Variants in EYA1 observed in about 807,000 individuals in gnomAD.
EYA1 encodes the protein protein phosphatase EYA1.
Under a neutral mutation model 82.0 loss-of-function variants are expected in EYA1, and 16 were observed. That is an observed-to-expected ratio of 0.20 (90% CI 0.13 to 0.30). EYA1 has a LOEUF of 0.30. Ranked by LOEUF, EYA1 falls within the 10% of genes least tolerant of loss-of-function variation. The pLI, the probability that EYA1 is intolerant of heterozygous loss-of-function variation, is 1.00. For missense variants in EYA1, 633 were observed against 730.7 expected (o/e 0.87, Z 1.54); for synonymous variants, 261 against 264.4 (o/e 0.99, Z 0.12).
At position 71,504,568 on chromosome 8, in the gene EYA1, A is replaced by G. The variant is rs538369750; in HGVS notation, c.33+31176T>C. Among the ~76,000 whole-genome samples, 14 of 152,288 alleles carry G rather than the reference A, an allele frequency of 9.2e-5. No homozygotes were observed. The East Asian group carries it at 2.5e-3, about 27-fold the overall frequency. ...AGTGATACAAAATATGACACAGTTCATTGAACTTTGTTAGTTTTAAGTATT... is the reference window on the plus strand; with the variant it reads ...AGTGATACAAAATATGACACAGTTCGTTGAACTTTGTTAGTTTTAAGTATT... On this transcript the variant is annotated intron_variant, in intron 2 of 18. Transcript: ENST00000643681.
rs923550463 is a variant in EYA1 at position 71,258,749 on chromosome 8, C to G, written c.1050+10991G>C. Among the ~76,000 whole-genome samples the G allele has an allele frequency of 1.2e-4, 18 of 152,300 alleles. No individual in the cohort carries two copies. In the Middle Eastern group the frequency reaches 0.017, roughly 144 times the overall value. ...TATAGTTACATTTGCACTGCTAATT[C>G]TAGTGTTTGTACATGATATTTGATC... On this transcript the variant is annotated intron_variant, in intron 11 of 17. Coordinates refer to ENST00000340726, the MANE Select transcript of EYA1 (RefSeq NM_000503.6).
intron 2 of EYA1, among the ~76,000 whole-genome samples, chr8:71,496,582 C>T (rs1385148147): frequency 6.6e-6 from 1 of 152,094 alleles, no homozygotes; most frequent in Non-Finnish European, 1.5e-5. Context: ...TATAGCTACC[C>T]ACAGAGCGAA....
chr8:71,418,051 C>G (rs1316735871), intron 2 of EYA1, among the ~76,000 whole-genome samples: 1 of 152,198 alleles, frequency 6.6e-6, no homozygotes, highest in African/African-American at 2.4e-5. Context: ...GCCTCATCTA[C>G]TAAGTAGCCT....
intron 12 of EYA1, among the ~76,000 whole-genome samples, chr8:71,239,412 C>CTAGA: frequency 6.6e-6 from 1 of 152,280 alleles, no homozygotes; most frequent in East Asian, 1.9e-4. Flanking sequence ...TAAGACAACA[C>CTAGA]ATAACAATTC....
chr8:71,458,663 G>A (rs1354098754), intron 2 of EYA1, among the ~76,000 whole-genome samples: 1 of 152,170 alleles, frequency 6.6e-6, no homozygotes, highest in Non-Finnish European at 1.5e-5. Context: ...GATGTTAAAA[G>A]GGACTCCAAG....
chr8:71,492,479 T>TTC (rs1397061549), intron 2 of EYA1, among the ~76,000 whole-genome samples: 2 of 151,336 alleles, frequency 1.3e-5, no homozygotes, highest in East Asian at 3.9e-4. Flanking sequence ...TTTTTTTTTT[T>TTC]TTTGAGACGG....
intron 2 of EYA1, among the ~76,000 whole-genome samples, chr8:71,410,087 T>G (rs1271177662): frequency 1.3e-5 from 2 of 152,038 alleles, no homozygotes; most frequent in African/African-American, 4.8e-5. Context: ...CGCAAATCAA[T>G]AAATGTAATC....
At chr8:71,486,872 A>C (rs1810611132) in intron 2 of EYA1, among the ~76,000 whole-genome samples, 1 of 151,752 alleles carries the variant, frequency 6.6e-6, no homozygotes, top group Admixed American at 6.6e-5. Context: ...CTCAGTTTCT[A>C]AGTCTGCCTT....
chr8:71,469,659 A>G (rs75589175), intron 2 of EYA1, among the ~76,000 whole-genome samples: 2,702 of 152,194 alleles, frequency 0.018, 56 homozygotes, highest in African/African-American at 0.062. Flanking sequence ...ATTTGGACTT[A>G]GGTGAATGCC....
In EYA1 at chr8:71,495,475, C is replaced by G. The variant is rs545113285; in HGVS notation, c.33+40269G>C. Reference sequence around the variant, plus strand: ...CTAAAAATAGAAAAATCAGCCAGACCTGGTGGCGTGCCTGTAATCCCAGCT... The same window carrying G: ...CTAAAAATAGAAAAATCAGCCAGACGTGGTGGCGTGCCTGTAATCCCAGCT... On this transcript the variant is annotated intron_variant, in intron 2 of 18. Coordinates refer to the EYA1 transcript ENST00000643681. Among the ~76,000 whole-genome samples, 6 of 152,046 alleles carry G rather than the reference C, an allele frequency of 3.9e-5. No individual in the cohort carries two copies. In the East Asian group the frequency reaches 1.2e-3, roughly 30 times the overall value.
chr8:71,539,996 T>C (rs184131524), intron 1 of EYA1, among the ~76,000 whole-genome samples: 41 of 152,302 alleles, frequency 2.7e-4, no homozygotes, highest in African/African-American at 9.1e-4. Context: ...GGTGATGACA[T>C]TGTAATTATA....
chr8:71,200,376 A>T (rs1319774812), intron 17 of EYA1, among the ~76,000 whole-genome samples: 1 of 152,182 alleles, frequency 6.6e-6, no homozygotes, highest in African/African-American at 2.4e-5. Context: ...TTGTTTTTTA[A>T]ATGTGTAGGT....
chr8:71,208,183 A>C (rs1357740746), intron 17 of EYA1, among the ~76,000 whole-genome samples: 1 of 152,166 alleles, frequency 6.6e-6, no homozygotes, highest in Non-Finnish European at 1.5e-5. Flanking sequence ...CTGTAATCCC[A>C]GCACTTTGGG....
intron 3 of EYA1, among the ~76,000 whole-genome samples, chr8:71,338,285 G>A (rs946788707): frequency 1.3e-5 from 2 of 152,232 alleles, no homozygotes; most frequent in African/African-American, 4.8e-5. Context: ...ATTATATGAA[G>A]AAAACTTATG....
chr8:71,382,302 T>C (rs1035191425), intron 2 of EYA1, among the ~76,000 whole-genome samples: 13 of 152,164 alleles, frequency 8.5e-5, no homozygotes, highest in African/African-American at 3.1e-4. Flanking sequence ...TGTAGAATAT[T>C]GAATTACTTT....
At chr8:71,354,575 C>T (rs957151595) in intron 3 of EYA1, among the ~76,000 whole-genome samples, 2 of 151,972 alleles carry the variant, frequency 1.3e-5, no homozygotes, top group Non-Finnish European at 2.9e-5. Context: ...TTTGGTGAAA[C>T]GAAACCAATC....
chr8:71,317,191 G>C (rs535615071), intron 7 of EYA1, among the ~76,000 whole-genome samples: 1 of 152,288 alleles, frequency 6.6e-6, no homozygotes, highest in Admixed American at 6.5e-5. Context: ...GTAATACCAA[G>C]TGCGTAAGTT....
At chr8:71,482,584 A>T (rs1213265653) in intron 2 of EYA1, among the ~76,000 whole-genome samples, 1 of 152,254 alleles carries the variant, frequency 6.6e-6, no homozygotes, top group African/African-American at 2.4e-5. Flanking sequence ...AATGACATTT[A>T]CAAGTATGTT....
chr8:71,398,408 T>C lies in EYA1; in HGVS notation c.34-41897A>G, dbSNP rs531181426. ...AGAATTTTCAGCTTTTCTGCTCTGG[T>C]TTCTTCCCACCTTTGTGGTTTTATC... On this transcript the variant is annotated intron_variant, in intron 2 of 18. Coordinates refer to the EYA1 transcript ENST00000643681. Among the ~76,000 whole-genome samples the C allele has an allele frequency of 2.6e-5, 4 of 152,314 alleles. No homozygotes were observed. The South Asian group carries it at 8.3e-4, about 32-fold the overall frequency.
Sources: gnomAD v4.1 joint callset for allele counts (sites outside exome capture counted in the v4.1 genomes callset) on GRCh38, gnomAD v4.1.1 for gene constraint, MANE v1.5 for transcripts, NCBI Gene and HGNC (gene_info 2026-07-23, HGNC 2026-07-21) for gene names.